The following PDZD2 variants were observed in gnomAD, a reference collection of about 807,000 sequenced individuals.
The protein encoded by PDZD2 is PDZ domain containing 2, also known as PDZ domain-containing protein 2.
In PDZD2, 90 loss-of-function variants were observed where a neutral mutation model predicts 220.7. The ratio of observed to expected loss-of-function variants is 0.41; its 90% CI spans 0.34 to 0.49. The LOEUF is 0.49. Ranked by LOEUF, PDZD2 falls within the 20% of genes least tolerant of loss-of-function variation. The pLI, the probability that PDZD2 is intolerant of heterozygous loss-of-function variation, is 0.28. For missense variants in PDZD2, 3,174 were observed against 3,608.5 expected (o/e 0.88, Z 3.08); for synonymous variants, 1,375 against 1,450.5 (o/e 0.95, Z 1.18).
At chr5:31,702,524 G>C (rs1388800514) in intron 1 of PDZD2, among the ~76,000 whole-genome samples, 1 of 152,168 alleles carries the variant, frequency 6.6e-6, no homozygotes, top group African/African-American at 2.4e-5. Context: ...CAGACCTCAG[G>C]TTCCACTTTG....
chr5:31,888,182 C>A (rs1187642431), intron 2 of PDZD2, among the ~76,000 whole-genome samples: 1 of 151,426 alleles, frequency 6.6e-6, no homozygotes, highest in Non-Finnish European at 1.5e-5. Flanking sequence ...CTTTTCTTCT[C>A]TTCTCTTTTC....
rs550228589 is a variant in PDZD2, at chr5:31,701,010, T to C, written c.-361+61573T>C. Reference sequence around the variant, plus strand: ...AGCTGAAGGACAGGCTGCCTCTGGCTGTGCCCAAGGGGGGACAGGTGTGCT... The same window carrying C: ...AGCTGAAGGACAGGCTGCCTCTGGCCGTGCCCAAGGGGGGACAGGTGTGCT... On this transcript the variant is annotated intron_variant, in intron 1 of 24. Coordinates refer to ENST00000438447, the MANE Select transcript of PDZD2 (RefSeq NM_178140.4). Among the ~76,000 whole-genome samples, 90 of 152,354 alleles carry C rather than the reference T, an allele frequency of 5.9e-4. 1 individual carries two copies. Among genetic ancestry groups the C allele is most frequent in the Non-Finnish European group, 1.1e-3 (73 of 68,034 alleles).
At chr5:31,724,378 G>T (rs151284991) in intron 1 of PDZD2, among the ~76,000 whole-genome samples, 2 of 152,032 alleles carry the variant, frequency 1.3e-5, no homozygotes, top group Non-Finnish European at 2.9e-5. Flanking sequence ...CGAGATGGGC[G>T]GATCACCTGA....
intron 2 of PDZD2, among the ~76,000 whole-genome samples, chr5:31,918,486 A>G (rs969332058): frequency 5.3e-5 from 8 of 152,178 alleles, no homozygotes; most frequent in Admixed American, 4.6e-4. Context: ...TTCTCCTTTG[A>G]GGTTTATTAT....
chr5:31,980,893 C>T lies in PDZD2; in HGVS notation c.477-2262C>T, dbSNP rs190802204. On this transcript the variant is annotated intron_variant, in intron 2 of 24. Transcript: ENST00000438447. ...CTGCCTTTCGGGTTCAAGCGATTCTCGTGCCTCAATTTTCTGAGTAGCTGA... is the reference window on the plus strand; with the variant it reads ...CTGCCTTTCGGGTTCAAGCGATTCTTGTGCCTCAATTTTCTGAGTAGCTGA... 1.2e-3 allele frequency among the ~76,000 whole-genome samples: 184 copies of T among 152,252 alleles called. 1 individual carries two copies. Among genetic ancestry groups the T allele is most frequent in the Admixed American group, 2.4e-3 (37 of 15,292 alleles).
intron 2 of PDZD2, among the ~76,000 whole-genome samples, chr5:31,895,526 G>A (rs1408204520): frequency 6.6e-6 from 1 of 152,174 alleles, no homozygotes; most frequent in Non-Finnish European, 1.5e-5. Flanking sequence ...CCCAGCCTAT[G>A]ATATTTTGTG....
intron 2 of PDZD2, among the ~76,000 whole-genome samples, chr5:31,975,021 T>C (rs1230722192): frequency 6.6e-6 from 1 of 152,178 alleles, no homozygotes; most frequent in African/African-American, 2.4e-5. Flanking sequence ...CTCGAATAAA[T>C]ATTTACCCTA....
At chr5:31,700,508 C>G (rs1261875985) in intron 1 of PDZD2, among the ~76,000 whole-genome samples, 4 of 152,128 alleles carry the variant, frequency 2.6e-5, no homozygotes, top group African/African-American at 9.7e-5. Context: ...CTTAGGTGGC[C>G]CCTGTCTCAT....
chr5:32,065,212 T>C (rs999831439), intron 14 of PDZD2, among the ~76,000 whole-genome samples: 12 of 151,820 alleles, frequency 7.9e-5, no homozygotes, highest in Admixed American at 7.9e-4. Flanking sequence ...GAAGGAGAAA[T>C]CACTTGTACC....
chr5:31,783,526 A>G (rs1753183825), intron 1 of PDZD2, among the ~76,000 whole-genome samples: 1 of 152,206 alleles, frequency 6.6e-6, no homozygotes, highest in Non-Finnish European at 1.5e-5. Context: ...CTCACTTGGC[A>G]CAGTCTGCGT....
At chr5:31,792,160 G>A (rs1039265087) in intron 1 of PDZD2, among the ~76,000 whole-genome samples, 15 of 152,158 alleles carry the variant, frequency 9.9e-5, no homozygotes, top group African/African-American at 3.4e-4. Context: ...AGAGCCACAC[G>A]CTTCTGACAC....
chr5:31,800,237 A>G (rs1004481508), intron 2 of PDZD2, among the ~76,000 whole-genome samples: 1 of 152,230 alleles, frequency 6.6e-6, no homozygotes, highest in Non-Finnish European at 1.5e-5. Flanking sequence ...TTACACCGAA[A>G]GGACACAGAT....
chr5:31,709,228 C>A (rs1188303440), intron 1 of PDZD2, among the ~76,000 whole-genome samples: 8 of 152,112 alleles, frequency 5.3e-5, no homozygotes, highest in African/African-American at 1.9e-4. Flanking sequence ...AGGCCAGTTG[C>A]TGTGGCTTAG....
At chr5:31,873,532 T>TA (rs1409223190) in intron 2 of PDZD2, among the ~76,000 whole-genome samples, 5 of 146,206 alleles carry the variant, frequency 3.4e-5, no homozygotes, top group South Asian at 2.2e-4. Context: ...TTGAAAATTC[T>TA]TTTTATTTAT....
chr5:31,832,837 T>C (rs188964348), intron 2 of PDZD2, among the ~76,000 whole-genome samples: 1 of 152,212 alleles, frequency 6.6e-6, no homozygotes, highest in Admixed American at 6.5e-5. Context: ...AAATGGTCAA[T>C]TTTATTTTAT....
intron 2 of PDZD2, among the ~76,000 whole-genome samples, chr5:31,938,759 A>ACATTGCTTTATT (rs1376019975): frequency 1.3e-5 from 2 of 152,098 alleles, no homozygotes; most frequent in Non-Finnish European, 2.9e-5. Context: ...CCTCTAAGAA[A>ACATTGCTTTATT]GCTTACTGTA....
chr5:31,746,652 A>C (rs1225870318), intron 1 of PDZD2, among the ~76,000 whole-genome samples: 1 of 152,198 alleles, frequency 6.6e-6, no homozygotes, highest in Non-Finnish European at 1.5e-5. Flanking sequence ...TTCATTGCAA[A>C]TAATCCTCAA....
intron 5 of PDZD2, among the ~76,000 whole-genome samples, chr5:32,002,130 TG>T (rs1207717971): frequency 6.6e-6 from 1 of 152,228 alleles, no homozygotes; most frequent in Non-Finnish European, 1.5e-5. Flanking sequence ...AAGAACATTT[TG>T]GGCTATCCAA....
At chr5:31,667,456 G>T (rs1026402630) in intron 1 of PDZD2, among the ~76,000 whole-genome samples, 1 of 152,068 alleles carries the variant, frequency 6.6e-6, no homozygotes, top group African/African-American at 2.4e-5. Flanking sequence ...AAATGAGGCA[G>T]GTTAAGGGAC....
Sources: allele counts gnomAD v4.1 joint callset (sites outside exome capture counted in the v4.1 genomes callset), GRCh38; gene constraint gnomAD v4.1.1; transcripts MANE v1.5; gene names NCBI Gene and HGNC (gene_info 2026-07-23, HGNC 2026-07-21).